Variants in GPM6B observed in about 807,000 individuals in gnomAD.
GPM6B encodes neuronal membrane glycoprotein M6-b.
GPM6B carries 4 observed loss-of-function variants against 27.2 expected under a neutral mutation model. That is an observed-to-expected ratio of 0.15 (90% CI 0.07 to 0.34). GPM6B has a LOEUF of 0.34. Ranked by LOEUF, GPM6B falls within the 10% of genes least tolerant of loss-of-function variation. The pLI, the probability that GPM6B is intolerant of heterozygous loss-of-function variation, is 1.00. For missense variants in GPM6B, 183 were observed against 261.9 expected (o/e 0.70, Z 2.08); for synonymous variants, 124 against 103.1 (o/e 1.20, Z -1.23).
At chrX:13,773,895 GT>G in intron 7 of GPM6B, 1 of 602,293 alleles carries the variant, frequency 1.7e-6, no homozygotes, top group Non-Finnish European at 2.0e-6. Flanking sequence ...TACCAATTTT[GT>G]GGGCTCTAAC....
chrX:13,913,596 G>A (rs1477458341), intron 1 of GPM6B, among the ~76,000 whole-genome samples: 1 of 112,224 alleles, frequency 8.9e-6, no homozygotes, highest in Non-Finnish European at 1.9e-5. Flanking sequence ...TGAATCAAAA[G>A]CAGAGGGTGA....
intron 1 of GPM6B, among the ~76,000 whole-genome samples, chrX:13,841,157 A>G (rs933957676): frequency 3.6e-5 from 4 of 112,244 alleles, no homozygotes; most frequent in African/African-American, 1.3e-4. Flanking sequence ...ATGCACATAT[A>G]CACATTTATA....
At chrX:13,921,793 G>A (rs1364956155) in intron 1 of GPM6B, among the ~76,000 whole-genome samples, 2 of 110,958 alleles carry the variant, frequency 1.8e-5, no homozygotes, top group African/African-American at 6.6e-5. Flanking sequence ...TGGTCACGCT[G>A]GTCTCAAACT....
chrX:13,902,304 G>A (rs1286690130), intron 1 of GPM6B, among the ~76,000 whole-genome samples: 4 of 110,800 alleles, frequency 3.6e-5, no homozygotes, highest in Non-Finnish European at 7.6e-5. Context: ...TGTCAATAAA[G>A]GCAATTCCAT....
chrX:13,782,757 C>CAAAAAAAAAAAAAAA (rs36124855), intron 4 of GPM6B, among the ~76,000 whole-genome samples: 1 of 31,153 alleles, frequency 3.2e-5, no homozygotes, highest in East Asian at 1.2e-3. Context: ...TGCTCCGTCT[C>CAAAAAAAAAAAAAAA]AAAAAAAAAA....
At chrX:13,920,266 C>CAAAAAAAAAAA (rs144988935) in intron 1 of GPM6B, among the ~76,000 whole-genome samples, 1 of 22,321 alleles carries the variant, frequency 4.5e-5, no homozygotes, top group African/African-American at 1.8e-4. Flanking sequence ...GACTCTGTCT[C>CAAAAAAAAAAA]AAAAAAAAAA....
intron 1 of GPM6B, among the ~76,000 whole-genome samples, chrX:13,904,206 G>A (rs934277591): frequency 2.7e-5 from 3 of 111,948 alleles, no homozygotes; most frequent in African/African-American, 9.7e-5. Flanking sequence ...GAATACATAT[G>A]TTCTGTTAAT....
intron 2 of GPM6B, among the ~76,000 whole-genome samples, chrX:13,800,712 G>T (rs752839716): frequency 8.9e-5 from 10 of 111,837 alleles, no homozygotes; most frequent in Admixed American, 2.8e-4. Context: ...ATAATGAGGG[G>T]TTATGGCCTT....
intron 1 of GPM6B, among the ~76,000 whole-genome samples, chrX:13,835,301 T>C (rs1407459484): frequency 1.8e-5 from 2 of 111,844 alleles, no homozygotes; most frequent in African/African-American, 3.3e-5. Context: ...TGGGGGCAAG[T>C]ATGTAGTCAA....
intron 3 of GPM6B, 191 bp from the exon 4 acceptor site, chrX:13,783,712 C>T: frequency 4.3e-6 from 2 of 460,581 alleles, no homozygotes; most frequent in Non-Finnish European, 7.8e-6. Flanking sequence ...CTGGGCCTTC[C>T]TTCCAAGGTG....
chrX:13,917,448 T>G (rs1161847439), intron 1 of GPM6B, among the ~76,000 whole-genome samples: 1 of 112,112 alleles, frequency 8.9e-6, no homozygotes, highest in Non-Finnish European at 1.9e-5. Flanking sequence ...GAACACAGGT[T>G]TTTACAGCAA....
intron 1 of GPM6B, among the ~76,000 whole-genome samples, chrX:13,827,246 G>A (rs1200769876): frequency 1.9e-5 from 2 of 103,558 alleles, no homozygotes; most frequent in African/African-American, 7.1e-5. Context: ...CCTTTAGAAA[G>A]CCTCCTTGGT....
chrX:13,807,330 G>A (rs2049040698), intron 2 of GPM6B, among the ~76,000 whole-genome samples: 1 of 111,597 alleles, frequency 9.0e-6, no homozygotes, highest in African/African-American at 3.3e-5. Flanking sequence ...TATTGGTTCA[G>A]GCATTGGAAA....
chrX:13,792,921 C>G (rs1180157093), intron 2 of GPM6B, among the ~76,000 whole-genome samples: 1 of 101,259 alleles, frequency 9.9e-6, no homozygotes, highest in Admixed American at 1.1e-4. Flanking sequence ...AAAAAAAATT[C>G]TAAGCACCCC....
intron 2 of GPM6B, among the ~76,000 whole-genome samples, chrX:13,787,383 C>T (rs2034632465): frequency 9.0e-6 from 1 of 111,284 alleles, no homozygotes; most frequent in African/African-American, 3.3e-5. Flanking sequence ...AGTAAAACCC[C>T]GTCTCTACTA....
intron 1 of GPM6B, among the ~76,000 whole-genome samples, chrX:13,903,345 A>G (rs2050299550): frequency 8.9e-6 from 1 of 112,057 alleles, no homozygotes; most frequent in Non-Finnish European, 1.9e-5. Flanking sequence ...TTTGCCATGC[A>G]CCAGGCACCA....
At chrX:13,781,282 C>G (rs1411425935) in intron 4 of GPM6B, among the ~76,000 whole-genome samples, 1 of 111,572 alleles carries the variant, frequency 9.0e-6, no homozygotes, top group African/African-American at 3.3e-5. Flanking sequence ...TTCCTGGGCA[C>G]AAACCTCCCA....
chrX:13,857,104 C>T (rs1022241022), intron 1 of GPM6B, among the ~76,000 whole-genome samples: 3 of 111,487 alleles, frequency 2.7e-5, no homozygotes, highest in African/African-American at 9.8e-5. Context: ...AACTCTCCTG[C>T]CTCCTTCTTA....
intron 2 of GPM6B, among the ~76,000 whole-genome samples, chrX:13,786,841 G>T (rs2048620908): frequency 9.1e-6 from 1 of 110,062 alleles, no homozygotes; most frequent in Admixed American, 9.7e-5. Flanking sequence ...GACGTTTTCA[G>T]TTTGGAGACA....
Sources: allele counts gnomAD v4.1 joint callset (sites outside exome capture counted in the v4.1 genomes callset), GRCh38; gene constraint gnomAD v4.1.1; transcripts MANE v1.5; gene names NCBI Gene and HGNC (gene_info 2026-07-23, HGNC 2026-07-21).